The following KLHL2 variants were observed in gnomAD, a reference collection of about 807,000 sequenced individuals.
The protein encoded by KLHL2 is kelch-like protein 2.
Under a neutral mutation model 75.8 loss-of-function variants are expected in KLHL2, and 15 were observed. The ratio of observed to expected loss-of-function variants is 0.20; its 90% CI spans 0.13 to 0.30. KLHL2 has a LOEUF of 0.30. Ranked by LOEUF, KLHL2 falls within the 10% of genes least tolerant of loss-of-function variation. KLHL2 has a pLI of 1.00. For synonymous variants in KLHL2, 214 were observed against 251.9 expected, an observed-to-expected ratio of 0.85 and a Z score of 1.42; for missense variants, 381 against 741.0, an observed-to-expected ratio of 0.51 and a Z score of 5.64.
At chr4:165,296,974 A>C (rs1579148444) in intron 6 of KLHL2, among the ~76,000 whole-genome samples, 1 of 152,160 alleles carries the variant, frequency 6.6e-6, no homozygotes, top group Non-Finnish European at 1.5e-5. Flanking sequence ...GCTGATCCAC[A>C]AAGTATGAGA....
chr4:165,278,318 T>C, intron 5 of KLHL2: 1 of 1,100,674 alleles, frequency 9.1e-7, no homozygotes, highest in Non-Finnish European at 1.4e-6. Context: ...TACTGGAATA[T>C]ACAGAATGTC....
chr4:165,261,833 A>G (rs1419160538), intron 4 of KLHL2, among the ~76,000 whole-genome samples: 1 of 152,234 alleles, frequency 6.6e-6, no homozygotes, highest in Non-Finnish European at 1.5e-5. Flanking sequence ...AAGTCATAAC[A>G]TATAGTCATA....
At chr4:165,288,586 T>C (rs1744262222) in intron 5 of KLHL2, among the ~76,000 whole-genome samples, 1 of 152,192 alleles carries the variant, frequency 6.6e-6, no homozygotes, top group African/African-American at 2.4e-5. Context: ...CCTTGTTCAT[T>C]TTTACAGATG....
At chr4:165,251,007 G>A (rs1740660367) in intron 4 of KLHL2, among the ~76,000 whole-genome samples, 1 of 152,124 alleles carries the variant, frequency 6.6e-6, no homozygotes, top group Non-Finnish European at 1.5e-5. Flanking sequence ...GTATCTCCCA[G>A]CAGTGTCTAT....
At chr4:165,318,011 A>T (rs751827518) in intron 14 of KLHL2, 42 bp downstream of exon 14, 1 of 1,586,576 alleles carries the variant, frequency 6.3e-7, no homozygotes, top group Non-Finnish European at 8.6e-7. Flanking sequence ...CAAAAAGATG[A>T]CCTCATTATG....
At chr4:165,228,536 C>T (rs1738636159) in intron 2 of KLHL2, among the ~76,000 whole-genome samples, 2 of 151,952 alleles carry the variant, frequency 1.3e-5, no homozygotes, top group African/African-American at 2.4e-5. Context: ...CCAGTAATTG[C>T]CTTTAGGTTG....
At chr4:165,261,338 C>A (rs1741655603) in intron 4 of KLHL2, among the ~76,000 whole-genome samples, 1 of 141,918 alleles carries the variant, frequency 7.0e-6, no homozygotes, top group South Asian at 2.2e-4. Context: ...ACTTTATTTT[C>A]TATTTTTATT....
chr4:165,250,508 A>C (rs1740619693), intron 4 of KLHL2, among the ~76,000 whole-genome samples: 1 of 152,228 alleles, frequency 6.6e-6, no homozygotes. Flanking sequence ...ACTTTGGCTA[A>C]TTATAGTATT....
At position 165,225,187 on chromosome 4, in the gene KLHL2, T is replaced by C. The variant is rs574845829; in HGVS notation, c.153-3620T>C. ...TATATTAAGCCTATCTAACTCCTGTTCTTTTCCCTTTAGATTTGAGCTTAG... is the reference window on the plus strand; with the variant it reads ...TATATTAAGCCTATCTAACTCCTGTCCTTTTCCCTTTAGATTTGAGCTTAG... On this transcript the variant is annotated intron_variant, in intron 2 of 14. Coordinates refer to ENST00000226725, the MANE Select transcript of KLHL2 (RefSeq NM_007246.4). 2.0e-5 allele frequency among the ~76,000 whole-genome samples: 3 copies of C among 152,344 alleles called. No individual in the cohort carries two copies. In the South Asian group the frequency reaches 6.2e-4, roughly 32 times the overall value.
intron 3 of KLHL2, among the ~76,000 whole-genome samples, chr4:165,236,851 G>A (rs1289527453): frequency 6.6e-6 from 1 of 151,866 alleles, no homozygotes; most frequent in African/African-American, 2.4e-5. Flanking sequence ...TCTTAAAAAT[G>A]ACAAATATTT....
intron 2 of KLHL2, among the ~76,000 whole-genome samples, chr4:165,228,207 GTT>G (rs1434507265): frequency 6.6e-6 from 1 of 152,220 alleles, no homozygotes; most frequent in African/African-American, 2.4e-5. Flanking sequence ...TGGCCAAAGT[GTT>G]TTTTAACTTT....
chr4:165,217,203 T>C (rs1737607899), intron 1 of KLHL2, among the ~76,000 whole-genome samples: 1 of 152,214 alleles, frequency 6.6e-6, no homozygotes, highest in Admixed American at 6.5e-5. Flanking sequence ...AAATATAGAA[T>C]AAGTATTACC....
chr4:165,208,399 A>G (rs1736980678), intron 1 of KLHL2: 1 of 152,278 alleles, frequency 6.6e-6, no homozygotes, highest in Non-Finnish European at 1.5e-5. Context: ...GCATCACTCT[A>G]AATGAGCGGC....
chr4:165,210,125 C>G, intron 1 of KLHL2: 1 of 1,551,630 alleles, frequency 6.4e-7, no homozygotes, highest in Non-Finnish European at 8.7e-7. Flanking sequence ...GAAAGATGAC[C>G]TGGACTTAAA....
At chr4:165,311,101 C>T (rs943270696) in intron 10 of KLHL2, among the ~76,000 whole-genome samples, 1 of 151,972 alleles carries the variant, frequency 6.6e-6, no homozygotes, top group Admixed American at 6.6e-5. Context: ...TTGTGATCCG[C>T]CCACCTCGGC....
chr4:165,309,789 C>T (rs1434325086), intron 9 of KLHL2, among the ~76,000 whole-genome samples: 2 of 152,148 alleles, frequency 1.3e-5, no homozygotes, highest in Non-Finnish European at 2.9e-5. Flanking sequence ...TAGCCTGTAG[C>T]TGTAAATTTG....
chr4:165,265,805 G>A (rs1337117155), intron 5 of KLHL2, among the ~76,000 whole-genome samples: 1 of 152,198 alleles, frequency 6.6e-6, no homozygotes, highest in Non-Finnish European at 1.5e-5. Flanking sequence ...CTTTATAGTA[G>A]TATGATATAT....
In KLHL2 at chr4:165,305,679, A is replaced by C. The variant is rs1223985597; in HGVS notation, c.993A>C (p.Glu331Asp). 6.2e-7 allele frequency: 1 copy of C among 1,614,188 alleles called. No homozygotes were observed. Residue 331 changes from glutamate to aspartate, a missense_variant, in exon 9 of 15, where the codon GAA (glutamate) becomes GAC (aspartate). Physicochemically the swap from Glu to Asp is conservative, Grantham distance 45. Around this residue, in one of 5 missense-constraint regions of KLHL2, gnomAD observed 168 missense variants for 370.4 expected, o/e 0.45. Transcript: ENST00000226725. ...TGGAATGCTATGACTTTAAAGAAGAAAGGTGGCACCAAGTAGCAGAGTTGC... is the reference window on the plus strand; with the variant it reads ...TGGAATGCTATGACTTTAAAGAAGACAGGTGGCACCAAGTAGCAGAGTTGC... The part of the protein sequence containing the change: ...RSVECYDFKE[E>D]RWHQVAELPS...
intron 5 of KLHL2, chr4:165,278,829 C>T (rs372479225): frequency 1.3e-6 from 2 of 1,546,002 alleles, no homozygotes; most frequent in African/African-American, 1.4e-5. Flanking sequence ...TTGGCTTGTC[C>T]AATCTGGAAG....
Sources: allele counts gnomAD v4.1 joint callset (sites outside exome capture counted in the v4.1 genomes callset), GRCh38; gene constraint gnomAD v4.1.1; regional missense constraint gnomAD v4.1.1; transcripts MANE v1.5; gene names NCBI Gene and HGNC (gene_info 2026-07-23, HGNC 2026-07-21).